Variants in PDZD2 observed in about 807,000 individuals in gnomAD.
PDZD2 encodes PDZ domain containing 2, also known as PDZ domain-containing protein 2.
A neutral mutation model predicts 220.7 loss-of-function variants in PDZD2; 90 were observed. That is an observed-to-expected ratio of 0.41 (90% confidence interval 0.34 to 0.49). PDZD2 has a LOEUF of 0.49. Ranked by LOEUF, PDZD2 falls within the 20% of genes least tolerant of loss-of-function variation. The pLI is 0.28. For missense variants in PDZD2, 3,174 were observed against 3,608.5 expected, an observed-to-expected ratio of 0.88 and a Z score of 3.08; for synonymous variants, 1,375 against 1,450.5, an observed-to-expected ratio of 0.95 and a Z score of 1.18.
In PDZD2 at chr5:32,065,319, A is replaced by G. The variant is rs964755261; in HGVS notation, c.2451+4185A>G. Among the ~76,000 whole-genome samples, 7 of 152,232 alleles carry G rather than the reference A, an allele frequency of 4.6e-5. No homozygotes were observed. The South Asian group carries it at 1.5e-3, about 32-fold the overall frequency. ...GTCTCAAAAAACAAACAAAAAAAATACTTCTTACCCATGCCTGTCATATGG... is the reference window on the plus strand; with the variant it reads ...GTCTCAAAAAACAAACAAAAAAAATGCTTCTTACCCATGCCTGTCATATGG... On this transcript the variant is annotated intron_variant, in intron 14 of 24. Coordinates refer to ENST00000438447, the MANE Select transcript of PDZD2 (RefSeq NM_178140.4).
At position 31,678,532 on chromosome 5, in the gene PDZD2, C is replaced by T. The variant is rs554702150; in HGVS notation, c.-361+39095C>T. Among the ~76,000 whole-genome samples, 159 of 152,112 alleles carry T rather than the reference C, an allele frequency of 1.0e-3. No homozygotes were observed. In the South Asian group the frequency reaches 0.021, roughly 21 times the overall value. ...GGGGACAGTCAGTTCTGGTGGGGGA[C>T]GTCTGGAGCCTGGGGACGTCAGTCT... On this transcript the variant is annotated intron_variant, in intron 1 of 24. Transcript: ENST00000438447.
intron 2 of PDZD2, among the ~76,000 whole-genome samples, chr5:31,823,354 A>C (rs1193932733): frequency 6.6e-6 from 1 of 151,756 alleles, no homozygotes; most frequent in African/African-American, 2.4e-5. Context: ...TGTAATCCCA[A>C]CTACTTGGGA....
At chr5:31,981,751 G>A (rs538192605) in intron 2 of PDZD2, among the ~76,000 whole-genome samples, 3 of 152,284 alleles carry the variant, frequency 2.0e-5, no homozygotes, top group South Asian at 2.1e-4. Context: ...TGGAGAAGGC[G>A]TTGTCCTGGG....
At chr5:31,919,691 A>C (rs7706107) in intron 2 of PDZD2, among the ~76,000 whole-genome samples, 123,597 of 138,698 alleles carry the variant, frequency 0.89, 55,328 homozygotes, top group East Asian at 0.98. Context: ...TTTAAGTTCA[A>C]AGCAAAATTG....
intron 2 of PDZD2, among the ~76,000 whole-genome samples, chr5:31,926,997 C>T (rs771896844): frequency 1.3e-5 from 2 of 152,194 alleles, no homozygotes; most frequent in Non-Finnish European, 2.9e-5. Flanking sequence ...ATATTATTCT[C>T]ACAAGTGGGA....
At chr5:31,933,287 A>G (rs1041217506) in intron 2 of PDZD2, among the ~76,000 whole-genome samples, 8 of 152,182 alleles carry the variant, frequency 5.3e-5, no homozygotes, top group Admixed American at 5.2e-4. Flanking sequence ...GCTGAATAGT[A>G]TTCCATTGTA....
chr5:32,055,869 CA>C (rs1161657164), intron 10 of PDZD2, among the ~76,000 whole-genome samples: 1 of 152,128 alleles, frequency 6.6e-6, no homozygotes, highest in African/African-American at 2.4e-5. Flanking sequence ...AAAATTCTAA[CA>C]GAGCATTTTT....
chr5:31,639,186 C>T lies in PDZD2; in HGVS notation c.-612C>T, dbSNP rs1489491359. On this transcript the variant is annotated 5_prime_UTR_variant, in exon 1 of 25. Transcript: ENST00000438447. This position sits in a 1 kb window ranked among gnomAD's most constrained non-coding sequence, Gnocchi z 4.1. ...CGAGGAGCGGACCCCAGCGCCGGTG[C>T]GTGCCGGCCCCGGGCAGCGGGACGC... Among the ~76,000 whole-genome samples the T allele has an allele frequency of 6.6e-6, 1 of 151,982 alleles. No homozygotes were observed. The highest frequency in any genetic ancestry group is 1.5e-5 in the Non-Finnish European group (1 of 67,930).
chr5:32,010,881 A>G (rs970834924), intron 6 of PDZD2, among the ~76,000 whole-genome samples: 2 of 151,626 alleles, frequency 1.3e-5, no homozygotes, highest in Admixed American at 6.6e-5. Flanking sequence ...CTGTAATTCC[A>G]GCTACTCAGG....
intron 6 of PDZD2, among the ~76,000 whole-genome samples, chr5:32,017,175 A>T (rs1024651366): frequency 6.6e-6 from 1 of 152,110 alleles, no homozygotes; most frequent in African/African-American, 2.4e-5. Flanking sequence ...AGTGGCTCAC[A>T]CCTGTAACCC....
At chr5:31,841,246 C>T (rs1346173118) in intron 2 of PDZD2, among the ~76,000 whole-genome samples, 3 of 152,096 alleles carry the variant, frequency 2.0e-5, no homozygotes, top group African/African-American at 7.2e-5. Context: ...CACACATCTA[C>T]AAGAATGCGT....
At chr5:31,986,406 C>G (rs1750726495) in intron 3 of PDZD2, among the ~76,000 whole-genome samples, 2 of 152,224 alleles carry the variant, frequency 1.3e-5, no homozygotes, top group East Asian at 1.9e-4. Flanking sequence ...TATTTTAGCA[C>G]CCTTTTCAAC....
chr5:31,752,073 G>GTTTTTTTTTTTTTTTTTT (rs3032803), intron 1 of PDZD2, among the ~76,000 whole-genome samples: 2 of 95,070 alleles, frequency 2.1e-5, no homozygotes, highest in African/African-American at 8.4e-5. Flanking sequence ...TTTTGGGTTT[G>GTTTTTTTTTTTTTTTTTT]TTTTTTTTTT....
At chr5:31,670,846 A>G (rs1457080773) in intron 1 of PDZD2, among the ~76,000 whole-genome samples, 2 of 152,154 alleles carry the variant, frequency 1.3e-5, no homozygotes, top group South Asian at 2.1e-4. Context: ...GGGTGTGCTC[A>G]TGAGGCAACT....
At chr5:31,650,810 CT>C (rs1745321628) in intron 1 of PDZD2, among the ~76,000 whole-genome samples, 1 of 152,182 alleles carries the variant, frequency 6.6e-6, no homozygotes, top group African/African-American at 2.4e-5. Flanking sequence ...CACATGAAGA[CT>C]TTTATGTAGT....
chr5:32,041,349 C>G (rs1282366790), intron 7 of PDZD2, among the ~76,000 whole-genome samples: 1 of 152,144 alleles, frequency 6.6e-6, no homozygotes, highest in African/African-American at 2.4e-5. Flanking sequence ...TCCGAAGAGA[C>G]AGCGACCATC....
rs866562675 is a variant in PDZD2, at chr5:31,669,676, G to A, written c.-361+30239G>A. 5.9e-5 allele frequency among the ~76,000 whole-genome samples: 9 copies of A among 152,134 alleles called. No homozygotes were observed. The East Asian group carries it at 1.3e-3, about 23-fold the overall frequency. On this transcript the variant is annotated intron_variant, in intron 1 of 24. Coordinates refer to ENST00000438447, the MANE Select transcript of PDZD2 (RefSeq NM_178140.4). ...GTAACAGAGGTGGGATCAATCAACA[G>A]GAAAAATTATTAGGAGCATTTGTAA...
chr5:31,788,255 C>A (rs994475985), intron 1 of PDZD2, among the ~76,000 whole-genome samples: 1 of 152,122 alleles, frequency 6.6e-6, no homozygotes. Context: ...CCTGTAATCC[C>A]AGCTACTCAG....
intron 6 of PDZD2, among the ~76,000 whole-genome samples, chr5:32,030,097 C>A (rs568826049): frequency 1.3e-5 from 2 of 152,168 alleles, no homozygotes; most frequent in Non-Finnish European, 2.9e-5. Flanking sequence ...GGCTTCATGG[C>A]GTGCTGCATT....
Sources: gnomAD v4.1 joint callset for allele counts (sites outside exome capture counted in the v4.1 genomes callset) on GRCh38, gnomAD v4.1.1 for gene constraint, Gnocchi (gnomAD v3.1) non-coding constraint, MANE v1.5 for transcripts, NCBI Gene and HGNC (gene_info 2026-07-23, HGNC 2026-07-21) for gene names.